CAMK2G: variants seen among roughly 807,000 people sequenced by gnomAD.
CAMK2G encodes calcium/calmodulin dependent protein kinase II gamma.
In CAMK2G, 23 loss-of-function variants were observed where a neutral mutation model predicts 88.7. That is an observed-to-expected ratio of 0.26 (90% CI 0.19 to 0.37). The LOEUF is 0.37. Among genes scored for constraint, CAMK2G ranks in the 10% least tolerant of loss-of-function variants. The pLI, the probability that CAMK2G is intolerant of heterozygous loss-of-function variation, is 1.00. For missense variants in CAMK2G, 476 were observed against 780.8 expected (o/e 0.61, Z 4.65); for synonymous variants, 263 against 294.8 (o/e 0.89, Z 1.11).
rs900831145 is a variant in CAMK2G, at chr10:73,814,172, T to A, written c.*346A>T. The A allele has an allele frequency of 3.3e-5, 5 of 151,780 alleles. No homozygotes were observed. The highest frequency in any genetic ancestry group is 7.4e-5 in the Non-Finnish European group (5 of 67,990). 9.4% of individuals were successfully genotyped at this position (151,780 alleles called of 1,614,324 possible). A position where few individuals can be genotyped will look rare whatever the true frequency, so the allele number is the denominator to read the frequency against. On this transcript the variant is annotated 3_prime_UTR_variant, in exon 23 of 23. Transcript: ENST00000423381. ...TCAAGGCCGGTGGGTGAGCCACTGC[T>A]CATGCCAGGATGGACCTCATACATA...
intron 10 of CAMK2G, among the ~76,000 whole-genome samples, chr10:73,843,681 C>T (rs1024962385): frequency 2.6e-5 from 4 of 152,106 alleles, no homozygotes; most frequent in African/African-American, 4.8e-5. Context: ...GCACCTGCAG[C>T]CAGGTGCCCA....
intron 17 of CAMK2G, among the ~76,000 whole-genome samples, chr10:73,823,119 C>T (rs1384192905): frequency 1.3e-5 from 2 of 152,232 alleles, no homozygotes; most frequent in Non-Finnish European, 2.9e-5. Flanking sequence ...GCCTTGGCCT[C>T]CCAAAGTGCT....
intron 3 of CAMK2G, among the ~76,000 whole-genome samples, chr10:73,857,872 TTTAA>T (rs1466372618): frequency 2.0e-5 from 3 of 152,240 alleles, no homozygotes; most frequent in Admixed American, 2.0e-4. Flanking sequence ...TTTGTTTGTT[TTTAA>T]TTAATAAACT....
In CAMK2G at chr10:73,819,513, G is replaced by T; in HGVS notation, c.1363+19C>A. 6.6e-7 allele frequency: 1 copy of T among 1,504,634 alleles called. No homozygotes were observed. The highest frequency in any genetic ancestry group is 9.0e-7 in the Non-Finnish European group (1 of 1,105,994). 93.2% of individuals were successfully genotyped at this position (1,504,634 alleles called of 1,614,324 possible). A position where few individuals can be genotyped will look rare whatever the true frequency, so the allele number is the denominator to read the frequency against. ...GAGCCAGGGAGACGGAAGCCAGAAT[G>T]TGCCTCCCTCACACTTACTGGCTGA... On this transcript the variant is annotated intron_variant, in intron 19 of 22. Transcript: ENST00000423381.
chr10:73,837,273 G>A (rs1340639433), intron 14 of CAMK2G, 195 bp downstream of exon 14: 3 of 662,418 alleles, frequency 4.5e-6, no homozygotes, highest in South Asian at 3.4e-5. Context: ...CATCCAGCTA[G>A]GGCCAGGAAA....
intron 14 of CAMK2G, among the ~76,000 whole-genome samples, chr10:73,832,096 G>T (rs930346532): frequency 6.6e-5 from 10 of 151,648 alleles, no homozygotes; most frequent in African/African-American, 1.9e-4. Context: ...AAAAAATTCT[G>T]ATAACAGTAG....
rs766229088 is a variant in CAMK2G at position 73,849,196 on chromosome 10, C to T, written c.414+65G>A. 37 of 1,565,974 alleles carry T rather than the reference C, an allele frequency of 2.4e-5. 1 individual carries two copies. The Middle Eastern group carries it at 5.0e-4, about 21-fold the overall frequency. On this transcript the variant is annotated intron_variant, in intron 6 of 22. Transcript: ENST00000423381. ...CCTAGTTTGGGCCTACGCAGTACCA[C>T]TATCTGGCACCAGGTGGCGCCAACA...
At chr10:73,814,675 CTAAG>C (rs145609513) in intron 22 of CAMK2G, 170 bp from the exon 23 acceptor site, 9,506 of 273,408 alleles carry the variant, frequency 0.035, 232 homozygotes, top group Middle Eastern at 0.05. Context: ...TAAGCACTAA[CTAAG>C]TGCTTTACTT....
At chr10:73,852,990 G>A (rs1264579183) in intron 4 of CAMK2G, among the ~76,000 whole-genome samples, 3 of 152,212 alleles carry the variant, frequency 2.0e-5, no homozygotes, top group African/African-American at 4.8e-5. Flanking sequence ...CTGTCCTGGG[G>A]TTCAGAGCCC....
intron 12 of CAMK2G, chr10:73,841,941 A>ACTC: frequency 1.8e-6 from 1 of 566,132 alleles, no homozygotes; most frequent in Middle Eastern, 4.5e-4. Flanking sequence ...TGGGCAGGCT[A>ACTC]CTCCTTGGGA....
rs1483638791 is a variant in CAMK2G at position 73,837,459 on chromosome 10, G to T, written c.1053+9C>A. On this transcript the variant is annotated intron_variant, in intron 14 of 22. Transcript: ENST00000423381. Reference sequence around the variant, plus strand: ...GAGGCCAGTCTGTTCAGAGGCTGGAGACACTTACCTTGACACCGCCATCCG... The same window carrying T: ...GAGGCCAGTCTGTTCAGAGGCTGGATACACTTACCTTGACACCGCCATCCG... 1 of 1,610,816 alleles carries T rather than the reference G, an allele frequency of 6.2e-7. No homozygotes were observed.
At chr10:73,860,236 T>G (rs890743655) in intron 3 of CAMK2G, among the ~76,000 whole-genome samples, 1 of 152,124 alleles carries the variant, frequency 6.6e-6, no homozygotes, top group African/African-American at 2.4e-5. Flanking sequence ...CAACCAACAA[T>G]GTGCTCTTGT....
intron 16 of CAMK2G, among the ~76,000 whole-genome samples, chr10:73,825,035 A>G (rs1294795004): frequency 1.3e-5 from 2 of 151,864 alleles, no homozygotes; most frequent in Non-Finnish European, 2.9e-5. Flanking sequence ...AGCCCTGATC[A>G]CTCTTCCCCC....
intron 4 of CAMK2G, 193 bp from the exon 5 acceptor site, chr10:73,852,512 C>T (rs1018461050): frequency 1.0e-5 from 6 of 574,616 alleles, no homozygotes; most frequent in African/African-American, 3.7e-5. Flanking sequence ...TATCATGGGC[C>T]GTCCCTTCCT....
At chr10:73,849,415 G>A in intron 5 of CAMK2G, 82 bp from the exon 6 acceptor site, 1 of 975,936 alleles carries the variant, frequency 1.0e-6, no homozygotes, top group Non-Finnish European at 1.6e-6. Flanking sequence ...TGCAGACTAA[G>A]GCATGTGACA....
chr10:73,870,391 TG>T (rs2095784233), intron 2 of CAMK2G, among the ~76,000 whole-genome samples: 1 of 152,326 alleles, frequency 6.6e-6, no homozygotes, highest in African/African-American at 2.4e-5. Context: ...CATATCCGCA[TG>T]AACTCCCCAC....
chr10:73,847,198 T>A (rs1336862207), intron 10 of CAMK2G, 27 bp downstream of exon 10: 1 of 1,612,836 alleles, frequency 6.2e-7, no homozygotes, highest in South Asian at 1.1e-5. Flanking sequence ...ACCCCTGAGC[T>A]CCTTGGCCAC....
intron 12 of CAMK2G, among the ~76,000 whole-genome samples, chr10:73,841,184 C>T (rs1446846116): frequency 2.6e-5 from 4 of 152,332 alleles, no homozygotes; most frequent in African/African-American, 7.2e-5. Flanking sequence ...CTGGAGCCAG[C>T]GCAGGCGAGC....
At chr10:73,860,977 C>A in intron 2 of CAMK2G, 88 bp from the exon 3 acceptor site, 1 of 898,698 alleles carries the variant, frequency 1.1e-6, no homozygotes, top group Non-Finnish European at 1.9e-6. Context: ...AGTTCAGGTA[C>A]TAACTATGCA....
Sources: gnomAD v4.1 joint callset for allele counts (sites outside exome capture counted in the v4.1 genomes callset) on GRCh38, gnomAD v4.1.1 for gene constraint, MANE v1.5 for transcripts, NCBI Gene and HGNC (gene_info 2026-07-23, HGNC 2026-07-21) for gene names.